The following CMC1 variants were observed in gnomAD, a reference collection of about 807,000 sequenced individuals.
CMC1 encodes C-X9-C motif containing 1.
A neutral mutation model predicts 14.1 loss-of-function variants in CMC1; 14 were observed. That is an observed-to-expected ratio of 0.99 (90% CI 0.66 to 1.55). The LOEUF is 1.55. Among genes scored for constraint, CMC1 ranks in the 40% most tolerant of loss-of-function variants. The probability of loss-of-function intolerance (pLI) is 0.00; values close to 1 mark genes in which losing one functional copy is unlikely to be tolerated. For missense variants in CMC1, 127 were observed against 123.8 expected, an observed-to-expected ratio of 1.03 and a Z score of -0.12; for synonymous variants, 50 against 38.4, an observed-to-expected ratio of 1.30 and a Z score of -1.12.
chr3:28,312,619 TAA>T (rs1422573113), intron 2 of CMC1, among the ~76,000 whole-genome samples: 1 of 152,182 alleles, frequency 6.6e-6, no homozygotes, highest in Non-Finnish European at 1.5e-5. Flanking sequence ...ATAAATTAAA[TAA>T]GTTAAAAAAT....
At position 28,308,452 on chromosome 3, in the gene CMC1, GA is replaced by G. The variant is rs547372522; in HGVS notation, c.110-7880del. Among the ~76,000 whole-genome samples the G allele has an allele frequency of 1.6e-3, 244 of 152,118 alleles. 2 individuals carry two copies. The highest frequency in any genetic ancestry group is 5.5e-3 in the African/African-American group (229 of 41,500). On this transcript the variant is annotated intron_variant, in intron 2 of 3. Coordinates refer to ENST00000466830, the MANE Select transcript of CMC1 (RefSeq NM_182523.2). ...ATTTTTAGCATAGTTGGAAATAACTGACAGGCCATGATGCAATAATTTCTGC... is the reference window on the plus strand; with the variant it reads ...ATTTTTAGCATAGTTGGAAATAACTGCAGGCCATGATGCAATAATTTCTGC...
chr3:28,291,541 A>C (rs1315091913), intron 2 of CMC1, among the ~76,000 whole-genome samples: 1 of 152,064 alleles, frequency 6.6e-6, no homozygotes, highest in Non-Finnish European at 1.5e-5. Flanking sequence ...TGTTTTATCA[A>C]CTATTCCTTG....
At chr3:28,308,468 A>G (rs564850275) in intron 2 of CMC1, among the ~76,000 whole-genome samples, 20 of 152,278 alleles carry the variant, frequency 1.3e-4, no homozygotes, top group East Asian at 1.9e-4. Context: ...CCATGATGCA[A>G]TAATTTCTGC....
At chr3:28,271,835 G>A (rs949026900) in intron 2 of CMC1, among the ~76,000 whole-genome samples, 5 of 152,114 alleles carry the variant, frequency 3.3e-5, no homozygotes, top group African/African-American at 7.2e-5. Context: ...CCATTTTCAC[G>A]ACATTGATTC....
At chr3:28,252,675 AT>A (rs1174639191) in intron 1 of CMC1, among the ~76,000 whole-genome samples, 1 of 152,160 alleles carries the variant, frequency 6.6e-6, no homozygotes, top group Non-Finnish European at 1.5e-5. Flanking sequence ...GTGGAAGCTC[AT>A]TTAGCCTTGT....
chr3:28,256,628 A>AT (rs1699425470), intron 1 of CMC1, among the ~76,000 whole-genome samples: 1 of 152,188 alleles, frequency 6.6e-6, no homozygotes. Context: ...AGATAATATA[A>AT]AGGGAGAGGA....
At chr3:28,295,079 T>C (rs1701671579) in intron 2 of CMC1, among the ~76,000 whole-genome samples, 1 of 152,170 alleles carries the variant, frequency 6.6e-6, no homozygotes, top group African/African-American at 2.4e-5. Flanking sequence ...TAGTGAATAA[T>C]GTTTTTCTAA....
intron 1 of CMC1, 162 bp from the exon 2 acceptor site, chr3:28,263,129 A>T: frequency 3.5e-6 from 2 of 565,558 alleles, no homozygotes; most frequent in South Asian, 4.7e-5. Flanking sequence ...AACATTGCAA[A>T]TAGGATGAGT....
At chr3:28,319,414 T>G in intron 3 of CMC1, 95 bp from the exon 4 acceptor site, 1 of 1,106,472 alleles carries the variant, frequency 9.0e-7, no homozygotes, top group Non-Finnish European at 1.4e-6. Flanking sequence ...TTGAGCCTGA[T>G]GAACCAGATG....
intron 1 of CMC1, among the ~76,000 whole-genome samples, chr3:28,255,069 A>G (rs1159257721): frequency 6.6e-6 from 1 of 152,104 alleles, no homozygotes; most frequent in Non-Finnish European, 1.5e-5. Context: ...CCCTATCTCA[A>G]TAAATGGTCA....
intron 2 of CMC1, among the ~76,000 whole-genome samples, chr3:28,265,960 G>A (rs2125469534): frequency 6.6e-6 from 1 of 152,188 alleles, no homozygotes. Context: ...ATTGGGTAAG[G>A]CATTAACCTT....
chr3:28,289,377 T>C (rs1701354582), intron 2 of CMC1, among the ~76,000 whole-genome samples: 1 of 152,000 alleles, frequency 6.6e-6, no homozygotes, highest in Non-Finnish European at 1.5e-5. Context: ...ACCTAAATTA[T>C]TTATTAAAAG....
At chr3:28,273,687 A>G (rs1370629610) in intron 2 of CMC1, among the ~76,000 whole-genome samples, 6 of 152,162 alleles carry the variant, frequency 3.9e-5, no homozygotes, top group Non-Finnish European at 8.8e-5. Context: ...TCTGTCTGAT[A>G]TTAACATTGG....
intron 2 of CMC1, among the ~76,000 whole-genome samples, chr3:28,301,586 A>G (rs962916286): frequency 7.3e-5 from 11 of 151,410 alleles, no homozygotes; most frequent in Admixed American, 1.3e-4. Context: ...GAAAAATTCT[A>G]CTGCGATCGA....
intron 1 of CMC1, among the ~76,000 whole-genome samples, chr3:28,244,371 T>C (rs1698697377): frequency 6.6e-6 from 1 of 152,076 alleles, no homozygotes; most frequent in Non-Finnish European, 1.5e-5. Flanking sequence ...TGGAAAGAAA[T>C]ATACAGCGTC....
chr3:28,308,593 G>T (rs1702454928), intron 2 of CMC1, among the ~76,000 whole-genome samples: 1 of 152,140 alleles, frequency 6.6e-6, no homozygotes, highest in South Asian at 2.1e-4. Flanking sequence ...GAATTTTATT[G>T]TATTAAAAAT....
chr3:28,281,009 C>T (rs1333589485), intron 2 of CMC1, among the ~76,000 whole-genome samples: 1 of 152,152 alleles, frequency 6.6e-6, no homozygotes, highest in East Asian at 1.9e-4. Flanking sequence ...GCAACAGAGA[C>T]CATATGGCCT....
intron 1 of CMC1, among the ~76,000 whole-genome samples, chr3:28,252,543 C>A (rs1365544612): frequency 6.6e-6 from 1 of 152,122 alleles, no homozygotes; most frequent in Non-Finnish European, 1.5e-5. Context: ...AATCAGAATT[C>A]CCTTTGATTT....
intron 2 of CMC1, among the ~76,000 whole-genome samples, chr3:28,265,074 A>C (rs895118970): frequency 6.6e-6 from 1 of 152,160 alleles, no homozygotes; most frequent in Non-Finnish European, 1.5e-5. Context: ...TCACTTCATC[A>C]AAAGTTAAGT....
Sources: allele counts gnomAD v4.1 joint callset (sites outside exome capture counted in the v4.1 genomes callset), GRCh38; gene constraint gnomAD v4.1.1; transcripts MANE v1.5; gene names NCBI Gene and HGNC (gene_info 2026-07-23, HGNC 2026-07-21).